The following EXOC5 variants were observed in gnomAD, a reference collection of about 807,000 sequenced individuals.
EXOC5 encodes exocyst complex component 5.
In EXOC5, 17 loss-of-function variants were observed where a neutral mutation model predicts 90.8. The ratio of observed to expected loss-of-function variants is 0.19; its 90% CI spans 0.13 to 0.28. The LOEUF (loss-of-function observed/expected upper bound fraction) is 0.28. EXOC5 is among the 10% of genes least tolerant of loss of function. The probability of loss-of-function intolerance (pLI) is 1.00; values close to 1 mark genes in which losing one functional copy is unlikely to be tolerated. For synonymous variants in EXOC5, 260 were observed against 270.0 expected, an observed-to-expected ratio of 0.96 and a Z score of 0.36; for missense variants, 569 against 830.6, an observed-to-expected ratio of 0.69 and a Z score of 3.87.
intron 1 of EXOC5, among the ~76,000 whole-genome samples, chr14:57,252,073 C>T (rs1358450559): frequency 6.6e-6 from 1 of 152,100 alleles, no homozygotes; most frequent in Non-Finnish European, 1.5e-5. Flanking sequence ...TCAAAAATCT[C>T]CCAACAGAGA....
At position 57,203,705 on chromosome 14, in the gene EXOC5, T is replaced by A. The variant is rs1882564270; in HGVS notation, c.*4904A>T. ...ATTTAAGTGATTTTTGAAAGTAAACTTAATTCCAGTTTCAGACTTTTAAAT... is the reference window on the plus strand; with the variant it reads ...ATTTAAGTGATTTTTGAAAGTAAACATAATTCCAGTTTCAGACTTTTAAAT... On this transcript the variant is annotated 3_prime_UTR_variant, in exon 18 of 18. Coordinates refer to ENST00000621441, the MANE Select transcript of EXOC5 (RefSeq NM_006544.4). 1 of 152,616 alleles carries A rather than the reference T, an allele frequency of 6.6e-6. No homozygotes were observed. The highest frequency in any genetic ancestry group is 2.4e-5 in the African/African-American group (1 of 41,438). The allele number at this position is 152,616 out of a possible 1,614,324, so 9.5% of individuals were successfully genotyped here.
At chr14:57,246,670 A>G (rs778271451) in intron 3 of EXOC5, 41 bp downstream of exon 3, 1 of 1,523,166 alleles carries the variant, frequency 6.6e-7, no homozygotes, top group Non-Finnish European at 9.0e-7. Context: ...TAAAGATATT[A>G]TAGCCTATAT....
chr14:57,250,679 T>C lies in EXOC5; in HGVS notation c.28-2967A>G, dbSNP rs112695722. On this transcript the variant is annotated intron_variant, in intron 1 of 17. Coordinates refer to ENST00000621441, the MANE Select transcript of EXOC5 (RefSeq NM_006544.4). The stretch of plus-strand genomic sequence containing the variant: ...ATACCTAGTGGTCATTTCTGCAGTC[T>C]ACAAATGTTTAACAGGTATAGACAC... 2.4e-3 allele frequency among the ~76,000 whole-genome samples: 360 copies of C among 152,244 alleles called. 2 individuals are homozygous for C. The highest frequency in any genetic ancestry group is 8.3e-3 in the African/African-American group (345 of 41,548).
At chr14:57,264,796 T>A (rs1884621890) in intron 1 of EXOC5, among the ~76,000 whole-genome samples, 1 of 152,204 alleles carries the variant, frequency 6.6e-6, no homozygotes, top group South Asian at 2.1e-4. Flanking sequence ...AATCTTCCCA[T>A]CCTCTCAACA....
chr14:57,214,475 G>A (rs77147629), intron 15 of EXOC5, among the ~76,000 whole-genome samples: 1,569 of 152,168 alleles, frequency 0.01, 28 homozygotes, highest in African/African-American at 0.036. Flanking sequence ...GAATGCTGCC[G>A]GTGGAGATAG....
intron 1 of EXOC5, among the ~76,000 whole-genome samples, chr14:57,250,241 A>G (rs1884151818): frequency 6.6e-6 from 1 of 152,190 alleles, no homozygotes; most frequent in East Asian, 1.9e-4. Context: ...GTGTGACTAA[A>G]AGAGAGTGAA....
rs1267157608 is a variant in EXOC5 at position 57,207,516 on chromosome 14, T to C, written c.*1093A>G. Reference sequence around the variant, plus strand: ...CAAATTAAGCCAATTCCATTAACTATATCCAAGTAGGAATAACTTCAGAAA... The same window carrying C: ...CAAATTAAGCCAATTCCATTAACTACATCCAAGTAGGAATAACTTCAGAAA... On this transcript the variant is annotated 3_prime_UTR_variant, in exon 18 of 18. Coordinates refer to ENST00000621441, the MANE Select transcript of EXOC5 (RefSeq NM_006544.4). 5.3e-5 allele frequency: 8 copies of C among 152,304 alleles called. No individual in the cohort carries two copies. The highest frequency in any genetic ancestry group is 1.0e-4 in the Non-Finnish European group (7 of 67,984). The allele number at this position is 152,304 out of a possible 1,614,324, so 9.4% of individuals were successfully genotyped here.
At chr14:57,246,243 T>C (rs139732840) in intron 3 of EXOC5, among the ~76,000 whole-genome samples, 18 of 152,268 alleles carry the variant, frequency 1.2e-4, no homozygotes, top group African/African-American at 4.1e-4. Context: ...AGAATTCTCA[T>C]TGGAGCATAC....
intron 1 of EXOC5, chr14:57,268,171 G>GC (rs1318867134): frequency 1.6e-5 from 3 of 187,490 alleles, no homozygotes; most frequent in African/African-American, 7.1e-5. Flanking sequence ...AAAACGAGAA[G>GC]CCCCCAAGAG....
chr14:57,231,733 G>A lies in EXOC5; in HGVS notation c.939-18C>T. ...TGGTGGTTCTTTTCATGAAAAAGGG[G>A]GAGAAAAAGATTAATATACATTTTA... On this transcript the variant is annotated intron_variant, in intron 10 of 17. Coordinates refer to ENST00000621441, the MANE Select transcript of EXOC5 (RefSeq NM_006544.4). 4 of 1,515,428 alleles carry A rather than the reference G, an allele frequency of 2.6e-6. No homozygotes were observed. The highest frequency in any genetic ancestry group is 3.6e-6 in the Non-Finnish European group (4 of 1,107,930). 93.9% of individuals were successfully genotyped at this position (1,515,428 alleles called of 1,614,324 possible).
rs1409794398 is a variant in EXOC5, at chr14:57,232,395, T to G, written c.938+272A>C. ...TTGTTAAGATTACATCACTTCCTTT[T>G]GCAGTTTCTAAAGTTTTGACTGCAG... On this transcript the variant is annotated intron_variant, in intron 10 of 17. Coordinates refer to ENST00000621441, the MANE Select transcript of EXOC5 (RefSeq NM_006544.4). 3 of 225,434 alleles carry G rather than the reference T, an allele frequency of 1.3e-5. No homozygotes were observed. In the East Asian group the frequency reaches 2.7e-4, roughly 20 times the overall value. 14.0% of individuals were successfully genotyped at this position (225,434 alleles called of 1,614,324 possible).
At chr14:57,217,429 C>A (rs1038879505) in intron 15 of EXOC5, among the ~76,000 whole-genome samples, 1 of 152,158 alleles carries the variant, frequency 6.6e-6, no homozygotes, top group Non-Finnish European at 1.5e-5. Flanking sequence ...GTAATCCTTA[C>A]AATATTTCAA....
At chr14:57,239,802 A>C (rs1241216627) in intron 4 of EXOC5, 143 bp from the exon 5 acceptor site, 1 of 546,518 alleles carries the variant, frequency 1.8e-6, no homozygotes, top group African/African-American at 1.9e-5. Context: ...ATCCACAACA[A>C]ATAAAACTTT....
At chr14:57,265,045 C>A (rs555260008) in intron 1 of EXOC5, among the ~76,000 whole-genome samples, 6 of 151,698 alleles carry the variant, frequency 4.0e-5, no homozygotes, top group East Asian at 3.9e-4. Flanking sequence ...AAATGGACTT[C>A]TCATCATCTT....
At chr14:57,213,780 C>A (rs1882894927) in intron 15 of EXOC5, among the ~76,000 whole-genome samples, 1 of 151,750 alleles carries the variant, frequency 6.6e-6, no homozygotes, top group East Asian at 2.0e-4. Flanking sequence ...ACCAGCCTGG[C>A]CAACATGGCA....
chr14:57,235,833 T>C lies in EXOC5; in HGVS notation c.560-13A>G. The C allele has an allele frequency of 7.3e-7, 1 of 1,377,920 alleles. No individual in the cohort carries two copies. The highest frequency in any genetic ancestry group is 1.0e-6 in the Non-Finnish European group (1 of 987,794). 85.4% of individuals were successfully genotyped at this position (1,377,920 alleles called of 1,614,324 possible). A position where few individuals can be genotyped will look rare whatever the true frequency, so the allele number is the denominator to read the frequency against. ...TCATGGTATTTACCTAAAAATAAAG[T>C]CATTCAGCTACACTGAGGCATACAA... is the stretch of plus-strand genomic sequence containing the variant. On this transcript the variant is annotated splice_polypyrimidine_tract_variant and intron_variant, in intron 6 of 17. Transcript: ENST00000621441.
intron 4 of EXOC5, among the ~76,000 whole-genome samples, chr14:57,240,481 TA>T (rs1197990770): frequency 6.6e-6 from 1 of 152,026 alleles, no homozygotes; most frequent in Non-Finnish European, 1.5e-5. Flanking sequence ...GGGGTTTCTT[TA>T]TATTGGTCAG....
At chr14:57,264,787 A>ATCTTCCCATCCTCTC (rs1202963907) in intron 1 of EXOC5, among the ~76,000 whole-genome samples, 1 of 152,182 alleles carries the variant, frequency 6.6e-6, no homozygotes, top group African/African-American at 2.4e-5. Context: ...TCTAGAGGCA[A>ATCTTCCCATCCTCTC]TCTTCCCATC....
In EXOC5 at chr14:57,204,872, T is replaced by C. The variant is rs1185556961; in HGVS notation, c.*3737A>G. On this transcript the variant is annotated 3_prime_UTR_variant, in exon 18 of 18. Transcript: ENST00000621441. ...CAACTTTGTAATATAAATACTACAA[T>C]AAGAATCATATTGGAAGCAACGATT... 6.6e-6 allele frequency: 1 copy of C among 152,224 alleles called. No homozygotes were observed. The highest frequency in any genetic ancestry group is 1.5e-5 in the Non-Finnish European group (1 of 67,882). The allele number at this position is 152,224 out of a possible 1,614,324, so 9.4% of individuals were successfully genotyped here. A position where few individuals can be genotyped will look rare whatever the true frequency, so the allele number is the denominator to read the frequency against.
Sources: allele counts gnomAD v4.1 joint callset (sites outside exome capture counted in the v4.1 genomes callset), GRCh38; gene constraint gnomAD v4.1.1; transcripts MANE v1.5; gene names NCBI Gene and HGNC (gene_info 2026-07-23, HGNC 2026-07-21).